The following PIK3C2G variants were observed in gnomAD, a reference collection of about 807,000 sequenced individuals.
PIK3C2G encodes phosphatidylinositol-4-phosphate 3-kinase catalytic subunit type 2 gamma.
Under a neutral mutation model 181.1 loss-of-function variants are expected in PIK3C2G, and 168 were observed. The observed-to-expected ratio is 0.93, with a 90% CI of 0.82 to 1.05. The LOEUF is 1.05. PIK3C2G is among the 50% of genes least tolerant of loss of function. PIK3C2G has a pLI of 0.00. For missense variants in PIK3C2G, 1,869 were observed against 1,732.8 expected (o/e 1.08, Z -1.40); for synonymous variants, 573 against 592.2 (o/e 0.97, Z 0.47).
chr12:18,553,890 A>T (rs1475623220), intron 26 of PIK3C2G, among the ~76,000 whole-genome samples: 1 of 152,054 alleles, frequency 6.6e-6, no homozygotes, highest in Non-Finnish European at 1.5e-5. Context: ...GATTTTCTGA[A>T]ATAATATTTG....
chr12:18,476,845 A>G (rs1344950037), intron 18 of PIK3C2G, among the ~76,000 whole-genome samples: 1 of 152,092 alleles, frequency 6.6e-6, no homozygotes, highest in Non-Finnish European at 1.5e-5. Flanking sequence ...GTGCTATCTT[A>G]TAAATAGATG....
At chr12:18,634,478 G>A (rs1054529033) in intron 31 of PIK3C2G, among the ~76,000 whole-genome samples, 4 of 152,194 alleles carry the variant, frequency 2.6e-5, no homozygotes, top group Non-Finnish European at 5.9e-5. Flanking sequence ...CATTTTCACA[G>A]TATTTATTCC....
chr12:18,473,277 G>A (rs780525433), intron 18 of PIK3C2G, among the ~76,000 whole-genome samples: 1 of 152,152 alleles, frequency 6.6e-6, no homozygotes, highest in Admixed American at 6.5e-5. Context: ...ATGTTTGTAG[G>A]TTTGTTTTTG....
At chr12:18,313,004 T>C (rs1469008398) in intron 5 of PIK3C2G, among the ~76,000 whole-genome samples, 1 of 152,096 alleles carries the variant, frequency 6.6e-6, no homozygotes, top group Non-Finnish European at 1.5e-5. Context: ...AAAATTATCA[T>C]CTTAAGGATT....
intron 29 of PIK3C2G, among the ~76,000 whole-genome samples, chr12:18,574,983 T>C (rs1387511445): frequency 3.3e-5 from 5 of 152,134 alleles, no homozygotes; most frequent in African/African-American, 4.8e-5. Flanking sequence ...AATTGTAAAA[T>C]AGACTCACTG....
At chr12:18,263,902 A>G (rs898705409) in intron 1 of PIK3C2G, among the ~76,000 whole-genome samples, 5 of 152,232 alleles carry the variant, frequency 3.3e-5, no homozygotes, top group East Asian at 3.9e-4. Context: ...TCTGATATAT[A>G]CCTTTTCATT....
At chr12:18,245,306 C>T (rs1948028558), upstream of PIK3C2G, among the ~76,000 whole-genome samples, 1 of 152,052 alleles carries the variant, frequency 6.6e-6, no homozygotes, top group African/African-American at 2.4e-5. Context: ...GTCAGCGCTG[C>T]ATTTTACACA....
intron 1 of PIK3C2G, among the ~76,000 whole-genome samples, chr12:18,277,168 ATCTG>A (rs1299497149): frequency 6.6e-6 from 1 of 152,182 alleles, no homozygotes; most frequent in Admixed American, 6.6e-5. Flanking sequence ...CTATCTACCT[ATCTG>A]TCTATCTAGT....
intron 6 of PIK3C2G, among the ~76,000 whole-genome samples, chr12:18,315,399 GA>G (rs200373770): frequency 3.3e-5 from 5 of 150,502 alleles, no homozygotes; most frequent in East Asian, 1.9e-4. Context: ...TCAATGTTGA[GA>G]AAAAAAAAGC....
intron 1 of PIK3C2G, among the ~76,000 whole-genome samples, chr12:18,254,343 A>C (rs1442686835): frequency 2.0e-5 from 3 of 152,062 alleles, no homozygotes; most frequent in Non-Finnish European, 4.4e-5. Flanking sequence ...TTACCAAACC[A>C]TGTGGAGAGC....
At chr12:18,619,516 T>C (rs1157157461) in intron 31 of PIK3C2G, among the ~76,000 whole-genome samples, 2 of 152,184 alleles carry the variant, frequency 1.3e-5, no homozygotes, top group African/African-American at 2.4e-5. Flanking sequence ...ATAATTTTTT[T>C]CTGAGTAATG....
chr12:18,382,992 A>G (rs1015041553), intron 14 of PIK3C2G, among the ~76,000 whole-genome samples: 2 of 152,340 alleles, frequency 1.3e-5, no homozygotes, highest in South Asian at 4.1e-4. Flanking sequence ...ATCTGTGGAC[A>G]TGTTAAAAAA....
intron 30 of PIK3C2G, among the ~76,000 whole-genome samples, chr12:18,607,501 A>G (rs1026584536): frequency 1.3e-5 from 2 of 152,184 alleles, no homozygotes; most frequent in African/African-American, 2.4e-5. Context: ...AGCCATATGT[A>G]GAAAGCTGAA....
chr12:18,674,822 A>G, the PIK3C2G span, among the ~76,000 whole-genome samples: 1 of 152,166 alleles, frequency 6.6e-6, no homozygotes, highest in Non-Finnish European at 1.5e-5. Context: ...GCCTCAACAC[A>G]GATTGCACCC....
chr12:18,579,569 C>T (rs1946391846), intron 29 of PIK3C2G, among the ~76,000 whole-genome samples: 1 of 152,084 alleles, frequency 6.6e-6, no homozygotes, highest in African/African-American at 2.4e-5. Flanking sequence ...CTCTCTCTCC[C>T]ACACACATGC....
chr12:18,642,202 A>AT (rs1309364164), intron 32 of PIK3C2G, among the ~76,000 whole-genome samples: 2 of 151,914 alleles, frequency 1.3e-5, no homozygotes, highest in African/African-American at 2.4e-5. Context: ...AGTCTCAAAG[A>AT]TTTTCTCTTA....
At chr12:18,501,986 T>C in intron 22 of PIK3C2G, among the ~76,000 whole-genome samples, 1 of 152,092 alleles carries the variant, frequency 6.6e-6, no homozygotes, top group Middle Eastern at 3.4e-3. Flanking sequence ...AGGAGGGAAA[T>C]TTTCAGGATT....
chr12:18,625,940 T>C (rs1445079885), intron 31 of PIK3C2G, among the ~76,000 whole-genome samples: 2 of 151,934 alleles, frequency 1.3e-5, no homozygotes, highest in Non-Finnish European at 2.9e-5. Context: ...GCAGACAGCA[T>C]ATAGTTAGAT....
Position 18,383,547 on chromosome 12 carries a change from A to G in PIK3C2G, c.1995+1667A>G, listed in dbSNP as rs183951305. Among the ~76,000 whole-genome samples the G allele has an allele frequency of 8.5e-4, 129 of 152,340 alleles. 3 individuals carry two copies. Among genetic ancestry groups the G allele is most frequent in the Non-Finnish European group, 7.3e-5 (5 of 68,038 alleles). On this transcript the variant is annotated intron_variant, in intron 14 of 32. Transcript: ENST00000538779. ...AGTGGGAAGGATTATCCAGTCATAA[A>G]GGAATGCACAATGCAAACACACAGA...
Sources: allele counts gnomAD v4.1 joint callset (sites outside exome capture counted in the v4.1 genomes callset), GRCh38; gene constraint gnomAD v4.1.1; transcripts MANE v1.5; gene names NCBI Gene and HGNC (gene_info 2026-07-23, HGNC 2026-07-21).